Variants in KIF26B observed in about 807,000 individuals in gnomAD.
The protein encoded by KIF26B is kinesin-like protein KIF26B.
In KIF26B, 63 loss-of-function variants were observed where a neutral mutation model predicts 151.2. The observed-to-expected ratio is 0.42, with a 90% CI of 0.34 to 0.51. KIF26B has a LOEUF of 0.51. Among genes scored for constraint, KIF26B ranks in the 20% least tolerant of loss-of-function variants. The pLI is 0.07. For missense variants in KIF26B, 2,813 were observed against 2,913.6 expected (o/e 0.97, Z 0.79); for synonymous variants, 1,357 against 1,262.1 (o/e 1.08, Z -1.59).
intron 4 of KIF26B, among the ~76,000 whole-genome samples, chr1:245,477,141 T>G (rs1660057335): frequency 6.6e-6 from 1 of 151,858 alleles, no homozygotes; most frequent in Non-Finnish European, 1.5e-5. Flanking sequence ...TTCACCCTTA[T>G]TTTTTAATTA....
At chr1:245,530,856 A>G (rs1265155329) in intron 4 of KIF26B, among the ~76,000 whole-genome samples, 3 of 152,240 alleles carry the variant, frequency 2.0e-5, no homozygotes, top group African/African-American at 7.2e-5. Context: ...CTTTAGTGAT[A>G]TTTATAGCTT....
intron 5 of KIF26B, among the ~76,000 whole-genome samples, chr1:245,543,993 C>G (rs902573874): frequency 2.6e-5 from 4 of 151,972 alleles, no homozygotes; most frequent in Admixed American, 1.3e-4. Flanking sequence ...TGCCAAGACC[C>G]TGCCTCTTCC....
chr1:245,282,603 C>G (rs1228287841), intron 2 of KIF26B, among the ~76,000 whole-genome samples: 1 of 152,176 alleles, frequency 6.6e-6, no homozygotes, highest in African/African-American at 2.4e-5. Context: ...TTTTCCAGGG[C>G]TACATCAATG....
chr1:245,518,769 G>A (rs187092012), intron 4 of KIF26B, among the ~76,000 whole-genome samples: 1 of 152,314 alleles, frequency 6.6e-6, no homozygotes, highest in Non-Finnish European at 1.5e-5. Context: ...GGTGGTTACA[G>A]AGCAATAGCA....
chr1:245,633,280 CTTT>C (rs35311427), intron 9 of KIF26B, among the ~76,000 whole-genome samples: 1 of 137,402 alleles, frequency 7.3e-6, no homozygotes, highest in Non-Finnish European at 1.6e-5. Flanking sequence ...ACAGTTGGGT[CTTT>C]TTTTTTTTTT....
intron 3 of KIF26B, among the ~76,000 whole-genome samples, chr1:245,407,240 G>A (rs1373072801): frequency 6.6e-6 from 1 of 152,196 alleles, no homozygotes; most frequent in Non-Finnish European, 1.5e-5. Context: ...AACCGGGGCA[G>A]GGTGGGGCCC....
chr1:245,209,084 G>A (rs746298915), intron 2 of KIF26B, among the ~76,000 whole-genome samples: 6 of 152,140 alleles, frequency 3.9e-5, no homozygotes, highest in East Asian at 1.9e-4. Context: ...CTATAGAACC[G>A]ATAACAGAGT....
chr1:245,427,415 C>T (rs1175378440), intron 4 of KIF26B, among the ~76,000 whole-genome samples: 3 of 152,180 alleles, frequency 2.0e-5, no homozygotes, highest in Admixed American at 6.5e-5. Context: ...TTGCGACCAG[C>T]TTGACCAACA....
Position 245,667,458 on chromosome 1 carries a change from C to A in KIF26B, c.2259-16775C>A, listed in dbSNP as rs1259263612. The stretch of plus-strand genomic sequence containing the variant: ...CCTCCCAAAGTGCTGGGATTACAGG[C>A]GTGAGCCACCGTGCCTGGCCTGCTT... On this transcript the variant is annotated intron_variant, in intron 10 of 14. Transcript: ENST00000407071. The surrounding 1 kb of genome is among the most constrained non-coding windows in gnomAD (Gnocchi z 4.3). Among the ~76,000 whole-genome samples, 1 of 151,944 alleles carries A rather than the reference C, an allele frequency of 6.6e-6. No individual in the cohort carries two copies. Among genetic ancestry groups the A allele is most frequent in the Non-Finnish European group, 1.5e-5 (1 of 67,960 alleles).
chr1:245,373,683 G>A (rs562971125), intron 3 of KIF26B, among the ~76,000 whole-genome samples: 8 of 152,204 alleles, frequency 5.3e-5, no homozygotes, highest in Admixed American at 6.5e-5. Context: ...AACACTGGCC[G>A]AAGTCATTAT....
chr1:245,261,504 C>CT (rs1558366108), intron 2 of KIF26B, among the ~76,000 whole-genome samples: 1 of 98,018 alleles, frequency 1.0e-5, no homozygotes, highest in African/African-American at 4.4e-5. Flanking sequence ...TCTCTCTCTC[C>CT]CTCCCTCCCT....
chr1:245,644,956 A>G (rs10924274), intron 9 of KIF26B, among the ~76,000 whole-genome samples: 19,096 of 152,190 alleles, frequency 0.13, 1,475 homozygotes, highest in African/African-American at 0.21. Flanking sequence ...GAAGCTTACG[A>G]TGATGGTGGA....
At chr1:245,416,661 G>A (rs1202058617) in intron 3 of KIF26B, among the ~76,000 whole-genome samples, 7 of 152,198 alleles carry the variant, frequency 4.6e-5, no homozygotes, top group African/African-American at 1.7e-4. Flanking sequence ...AGGAAGTGAG[G>A]CTTGAGCTTA....
intron 5 of KIF26B, among the ~76,000 whole-genome samples, chr1:245,581,685 G>A (rs1231910648): frequency 6.6e-6 from 1 of 152,126 alleles, no homozygotes; most frequent in Non-Finnish European, 1.5e-5. Flanking sequence ...TGGATGCTAC[G>A]CTGGCTTCAC....
At chr1:245,513,270 G>A (rs946888592) in intron 4 of KIF26B, among the ~76,000 whole-genome samples, 1 of 150,536 alleles carries the variant, frequency 6.6e-6, no homozygotes, top group South Asian at 2.1e-4. Flanking sequence ...GACCGAGAGT[G>A]CTTTTTAGCA....
intron 4 of KIF26B, among the ~76,000 whole-genome samples, chr1:245,433,323 A>C (rs1658825207): frequency 6.6e-6 from 1 of 150,808 alleles, no homozygotes. Flanking sequence ...AAAAATTAAC[A>C]GGGCGTGGTG....
At position 245,686,532 on chromosome 1, in the gene KIF26B, C is replaced by T. The variant is rs372140515; in HGVS notation, c.3549C>T (p.Asn1183=). The T allele has an allele frequency of 5.9e-5, 95 of 1,613,062 alleles. No individual in the cohort carries two copies. The highest frequency in any genetic ancestry group is 5.2e-4 in the South Asian group (47 of 91,082). ...MVTVQQPLEL[N]GEDELVFTLV... ...CGGTGCAGCAGCCACTGGAGCTGAA[C>T]GGTGAGGACGAGCTGGTGTTCACGC... is the stretch of plus-strand genomic sequence containing the variant. Residue 1183 remains asparagine (N), a synonymous_variant, in exon 12 of 15, where the codon AAC becomes AAT. Transcript: ENST00000407071. The surrounding 1 kb of genome is among the most constrained non-coding windows in gnomAD (Gnocchi z 5.6).
chr1:245,316,344 G>A (rs1671775173), intron 2 of KIF26B, among the ~76,000 whole-genome samples: 1 of 151,936 alleles, frequency 6.6e-6, no homozygotes, highest in Non-Finnish European at 1.5e-5. Context: ...GGTTGGTCTT[G>A]AACTCCTGAC....
At position 245,524,130 on chromosome 1, in the gene KIF26B, A is replaced by G. The variant is rs147543854; in HGVS notation, c.1167-16637A>G. On this transcript the variant is annotated intron_variant, in intron 4 of 14. Coordinates refer to ENST00000407071, the MANE Select transcript of KIF26B (RefSeq NM_018012.4). ...AGACCAGCTTGGTTATTGTACTTGG[A>G]CATTTCTTAGGCTCTGAATTTTATG... Among the ~76,000 whole-genome samples, 45 of 152,320 alleles carry G rather than the reference A, an allele frequency of 3.0e-4. No homozygotes were observed. In the East Asian group the frequency reaches 7.9e-3, roughly 27 times the overall value.
Sources: allele counts gnomAD v4.1 joint callset (sites outside exome capture counted in the v4.1 genomes callset), GRCh38; gene constraint gnomAD v4.1.1; non-coding constraint Gnocchi (gnomAD v3.1); transcripts MANE v1.5; gene names NCBI Gene and HGNC (gene_info 2026-07-23, HGNC 2026-07-21).